Variants in NAV2 observed in about 807,000 individuals in gnomAD.
The protein encoded by NAV2 is helicase, APC down-regulated 1.
Under a neutral mutation model 223.2 loss-of-function variants are expected in NAV2, and 54 were observed. The observed-to-expected ratio is 0.24, with a 90% CI of 0.19 to 0.30. The LOEUF (loss-of-function observed/expected upper bound fraction) is 0.30. Ranked by LOEUF, NAV2 falls within the 10% of genes least tolerant of loss-of-function variation. The probability of loss-of-function intolerance (pLI) is 1.00; values close to 1 mark genes in which losing one functional copy is unlikely to be tolerated. For missense variants in NAV2, 2,806 were observed against 3,147.5 expected (o/e 0.89, Z 2.60); for synonymous variants, 1,279 against 1,239.3 (o/e 1.03, Z -0.67).
intron 1 of NAV2, among the ~76,000 whole-genome samples, chr11:19,490,725 G>A (rs926707289): frequency 2.0e-5 from 3 of 152,080 alleles, no homozygotes; most frequent in African/African-American, 7.2e-5. Context: ...TTGATACTTC[G>A]GCCTTCTCCC....
intron 5 of NAV2, among the ~76,000 whole-genome samples, chr11:19,887,997 C>T (rs1006233624): frequency 2.0e-5 from 3 of 151,580 alleles, no homozygotes; most frequent in Non-Finnish European, 2.9e-5. Context: ...ACAGAGGAGC[C>T]GGGATGCACT....
In NAV2 at chr11:19,867,657, T is replaced by G. The variant is rs1024260704; in HGVS notation, c.439-1268T>G. ...GGACCTTGAAGTGTGAGATGGAGGT[T>G]GGAAAGGAGATGGGAACCTATGCTA... On this transcript the variant is annotated intron_variant, in intron 3 of 37. Transcript: ENST00000349880. Among the ~76,000 whole-genome samples the G allele has an allele frequency of 1.2e-4, 18 of 152,286 alleles. No individual in the cohort carries two copies. The South Asian group carries it at 3.7e-3, about 32-fold the overall frequency.
chr11:19,872,537 C>T (rs895175849), intron 4 of NAV2, among the ~76,000 whole-genome samples: 8 of 152,366 alleles, frequency 5.3e-5, no homozygotes, highest in Non-Finnish European at 1.0e-4. Context: ...AGATTTAATG[C>T]TTTTTGTTCT....
chr11:20,050,572 G>GAA (rs1260684558), intron 16 of NAV2, among the ~76,000 whole-genome samples: 118 of 70,110 alleles, frequency 1.7e-3, no homozygotes, highest in African/African-American at 4.0e-3. Context: ...TCTCCTGCCA[G>GAA]AAAAAAAAAA....
rs140912996 is a variant in NAV2, at chr11:19,363,604, A to G, written c.75+12577A>G. ...GGTTGTTCTTTTCCTACACCAACCA[A>G]TTCTCTGACTGCGTGTCCTACAATT... On this transcript the variant is annotated intron_variant, in intron 1 of 37. Transcript: ENST00000360655. 2.1e-3 allele frequency among the ~76,000 whole-genome samples: 319 copies of G among 152,312 alleles called. 1 individual carries two copies. The highest frequency in any genetic ancestry group is 3.8e-3 in the Non-Finnish European group (256 of 68,028).
intron 1 of NAV2, among the ~76,000 whole-genome samples, chr11:19,684,620 G>A (rs987461802): frequency 1.3e-5 from 2 of 152,046 alleles, no homozygotes; most frequent in Admixed American, 6.5e-5. Context: ...CCAAGGGCAC[G>A]GCCAAGGGCA....
chr11:19,383,187 C>A (rs1223905753), intron 1 of NAV2, among the ~76,000 whole-genome samples: 3 of 152,214 alleles, frequency 2.0e-5, no homozygotes, highest in Non-Finnish European at 4.4e-5. Context: ...CCACCACACA[C>A]CCCTGCTTCC....
At chr11:20,006,520 C>T (rs942247553) in intron 11 of NAV2, among the ~76,000 whole-genome samples, 2 of 151,964 alleles carry the variant, frequency 1.3e-5, no homozygotes, top group Non-Finnish European at 2.9e-5. Flanking sequence ...ACAAAAAATA[C>T]AAAAATTAGC....
intron 29 of NAV2, among the ~76,000 whole-genome samples, chr11:20,095,037 C>T (rs951715622): frequency 6.6e-6 from 1 of 152,128 alleles, no homozygotes; most frequent in African/African-American, 2.4e-5. Flanking sequence ...CAGAGTTTTA[C>T]TAGTTTTCTG....
chr11:19,930,614 TTCTA>T (rs1245382650), intron 6 of NAV2, among the ~76,000 whole-genome samples: 1 of 152,198 alleles, frequency 6.6e-6, no homozygotes, highest in Non-Finnish European at 1.5e-5. Context: ...AGGCAGAGAT[TTCTA>T]TCTGTTTTTT....
At chr11:19,606,869 T>C (rs890469303) in intron 1 of NAV2, among the ~76,000 whole-genome samples, 2 of 152,226 alleles carry the variant, frequency 1.3e-5, no homozygotes, top group Non-Finnish European at 2.9e-5. Flanking sequence ...TGGCCTTACC[T>C]GAGATCTTAG....
At chr11:20,085,247 C>T (rs2060362158) in intron 26 of NAV2, among the ~76,000 whole-genome samples, 1 of 151,406 alleles carries the variant, frequency 6.6e-6, no homozygotes, top group South Asian at 2.1e-4. Context: ...AGAGTAAATA[C>T]TAGTGGAGAC....
At chr11:20,095,906 C>T in intron 30 of NAV2, 139 bp downstream of exon 30, 2 of 702,886 alleles carry the variant, frequency 2.8e-6, no homozygotes, top group South Asian at 3.3e-5. Flanking sequence ...GTTGCTGGAA[C>T]TTGTTCCCTG....
chr11:19,449,154 C>T (rs890813282), intron 1 of NAV2, among the ~76,000 whole-genome samples: 1 of 152,182 alleles, frequency 6.6e-6, no homozygotes, highest in African/African-American at 2.4e-5. Flanking sequence ...CCATCATGAA[C>T]CTGGCCTCCA....
chr11:20,037,483 C>T (rs1358725468), intron 12 of NAV2, among the ~76,000 whole-genome samples: 1 of 151,890 alleles, frequency 6.6e-6, no homozygotes, highest in African/African-American at 2.4e-5. Flanking sequence ...TTCCCAGTTA[C>T]TTCTTGTATT....
chr11:19,516,998 C>G (rs2043474319), intron 1 of NAV2, among the ~76,000 whole-genome samples: 1 of 151,722 alleles, frequency 6.6e-6, no homozygotes, highest in African/African-American at 2.4e-5. Context: ...GCAACTGAAC[C>G]CAGGAGTTCA....
chr11:19,536,196 C>G (rs1386444), intron 1 of NAV2, among the ~76,000 whole-genome samples: 2,883 of 152,280 alleles, frequency 0.019, 42 homozygotes, highest in Non-Finnish European at 0.029. Flanking sequence ...TCTCCAGTTT[C>G]CAGAAGAGAA....
At chr11:19,777,884 G>T (rs775577946) in intron 1 of NAV2, 1 of 455,838 alleles carries the variant, frequency 2.2e-6, no homozygotes, top group Admixed American at 2.3e-5. Flanking sequence ...CGTGGTCCGC[G>T]TCCCCCGAGC....
At chr11:20,103,116 C>T (rs2061755065) in intron 32 of NAV2, 139 bp from the exon 33 acceptor site, 1 of 762,936 alleles carries the variant, frequency 1.3e-6, no homozygotes, top group Non-Finnish European at 2.1e-6. Flanking sequence ...AGGCAGGCAC[C>T]CAGAATGTGT....
Sources: gnomAD v4.1 joint callset for allele counts (sites outside exome capture counted in the v4.1 genomes callset) on GRCh38, gnomAD v4.1.1 for gene constraint, MANE v1.5 for transcripts, NCBI Gene and HGNC (gene_info 2026-07-23, HGNC 2026-07-21) for gene names.